The following KAZN variants were observed in gnomAD, a reference collection of about 807,000 sequenced individuals.
KAZN encodes the protein kazrin.
KAZN carries 40 observed loss-of-function variants against 87.4 expected under a neutral mutation model. That is an observed-to-expected ratio of 0.46 (90% CI 0.36 to 0.60). The LOEUF is 0.60. Ranked by LOEUF, KAZN falls within the 20% of genes least tolerant of loss-of-function variation. The pLI is 0.00. For synonymous variants in KAZN, 466 were observed against 458.3 expected, an observed-to-expected ratio of 1.02 and a Z score of -0.22; for missense variants, 898 against 1,073.9, an observed-to-expected ratio of 0.84 and a Z score of 2.29.
rs1327914777 is a variant in KAZN at position 15,021,468 on chromosome 1, A to G, written c.419-13281A>G. ...GACTCCCCTTCAGAGGCTGGAAAAC[A>G]AACACCACCCGCTCCCAGTCCCGGC... is the stretch of plus-strand genomic sequence containing the variant. On this transcript the variant is annotated intron_variant, in intron 2 of 14. Transcript: ENST00000376030. This position sits in a 1 kb window ranked among gnomAD's most constrained non-coding sequence, Gnocchi z 4.2. Among the ~76,000 whole-genome samples, 1 of 152,136 alleles carries G rather than the reference A, an allele frequency of 6.6e-6. No homozygotes were observed. The highest frequency in any genetic ancestry group is 1.5e-5 in the Non-Finnish European group (1 of 67,990).
intron 2 of KAZN, among the ~76,000 whole-genome samples, chr1:14,491,367 T>C (rs1669636745): frequency 6.6e-6 from 1 of 152,200 alleles, no homozygotes; most frequent in South Asian, 2.1e-4. Context: ...GTTTGTTACG[T>C]AGGTATAGAC....
intron 1 of KAZN, among the ~76,000 whole-genome samples, chr1:13,978,122 C>A: frequency 1.2e-5 from 1 of 85,016 alleles, no homozygotes; most frequent in South Asian, 4.8e-4. Context: ...AGCAAGACTC[C>A]ATCTCACAAA....
chr1:15,082,077 T>A (rs1420675359), intron 8 of KAZN, among the ~76,000 whole-genome samples: 1 of 152,076 alleles, frequency 6.6e-6, no homozygotes, highest in Non-Finnish European at 1.5e-5. Context: ...GTGATGGAAT[T>A]CAGCAGGGGA....
chr1:14,301,283 C>T (rs906236411), intron 2 of KAZN, among the ~76,000 whole-genome samples: 1 of 152,198 alleles, frequency 6.6e-6, no homozygotes, highest in African/African-American at 2.4e-5. Flanking sequence ...GAGTCAGACA[C>T]GGTAGAGGAG....
At chr1:14,940,808 C>T (rs962392311) in intron 1 of KAZN, among the ~76,000 whole-genome samples, 4 of 146,816 alleles carry the variant, frequency 2.7e-5, no homozygotes, top group South Asian at 2.2e-4. Flanking sequence ...GAAATGACTG[C>T]GGAGTGCTAT....
intron 1 of KAZN, among the ~76,000 whole-genome samples, chr1:13,975,307 A>C (rs12123608): frequency 0.15 from 22,653 of 152,194 alleles, 1,802 homozygotes; most frequent in South Asian, 0.21. Context: ...TGTTCAGAAC[A>C]CTTGGTTACT....
chr1:14,698,179 C>T (rs1641720178), intron 1 of KAZN, among the ~76,000 whole-genome samples: 1 of 152,150 alleles, frequency 6.6e-6, no homozygotes, highest in African/African-American at 2.4e-5. Context: ...CTTTTTTGGT[C>T]CACATGTTAA....
intron 2 of KAZN, among the ~76,000 whole-genome samples, chr1:14,465,722 A>G (rs1310424220): frequency 1.3e-5 from 2 of 152,168 alleles, no homozygotes; most frequent in Non-Finnish European, 2.9e-5. Flanking sequence ...GTAGAAAAGA[A>G]TTTGTGCCAG....
chr1:15,047,164 G>A (rs1489747324), intron 4 of KAZN, among the ~76,000 whole-genome samples: 2 of 152,210 alleles, frequency 1.3e-5, no homozygotes, highest in African/African-American at 4.8e-5. Flanking sequence ...TCTACCCAGG[G>A]CTTGGAGGCA....
intron 2 of KAZN, among the ~76,000 whole-genome samples, chr1:14,434,283 T>TTC: frequency 1.3e-5 from 2 of 152,314 alleles, no homozygotes; most frequent in African/African-American, 4.8e-5. Flanking sequence ...GCCCCCTCCC[T>TTC]TCTCTCATGC....
chr1:14,053,944 G>A (rs564145580), intron 1 of KAZN, among the ~76,000 whole-genome samples: 6 of 152,258 alleles, frequency 3.9e-5, no homozygotes, highest in Non-Finnish European at 7.4e-5. Flanking sequence ...ACTAAGGGAA[G>A]CATAAGGAAG....
chr1:15,013,578 AC>A lies in KAZN; in HGVS notation c.419-21167del, dbSNP rs569887749. 1.1e-4 allele frequency among the ~76,000 whole-genome samples: 17 copies of A among 151,578 alleles called. No homozygotes were observed. In the East Asian group the frequency reaches 3.3e-3, roughly 29 times the overall value. On this transcript the variant is annotated intron_variant, in intron 2 of 14. Transcript: ENST00000376030. ...TGACCAGCCTGGCCAACAAGGTGAAACCCCGTCTCTATTAAAAAAATATAAA... is the reference window on the plus strand; with the variant it reads ...TGACCAGCCTGGCCAACAAGGTGAAACCCGTCTCTATTAAAAAAATATAAA...
intron 2 of KAZN, among the ~76,000 whole-genome samples, chr1:14,971,568 G>T (rs929463555): frequency 2.0e-5 from 3 of 151,952 alleles, no homozygotes; most frequent in Non-Finnish European, 2.9e-5. Context: ...CAGAAAAGAG[G>T]AAAAGAGTGA....
chr1:14,927,457 T>G (rs961089429), intron 1 of KAZN, among the ~76,000 whole-genome samples: 6 of 151,910 alleles, frequency 3.9e-5, no homozygotes, highest in African/African-American at 1.5e-4. Context: ...TGCAGAAAAA[T>G]AAAGCCGGGG....
At position 14,640,298 on chromosome 1, in the gene KAZN, A is replaced by G. The variant is rs139688050; in HGVS notation, c.226+41075A>G. ...AATATGCTCTGATACTATTGATTCC[A>G]TTGCAGGTGGAATAAGCCTCCATTC... On this transcript the variant is annotated intron_variant, in intron 1 of 14. Transcript: ENST00000376030. Among the ~76,000 whole-genome samples, 438 of 152,272 alleles carry G rather than the reference A, an allele frequency of 2.9e-3. 15 individuals carry two copies. The East Asian group carries it at 0.042, about 15-fold the overall frequency.
chr1:13,988,038 A>G (rs1435993962), intron 1 of KAZN, among the ~76,000 whole-genome samples: 1 of 152,208 alleles, frequency 6.6e-6, no homozygotes, highest in Non-Finnish European at 1.5e-5. Context: ...ACATTGATCC[A>G]TACAGGAAGG....
intron 2 of KAZN, among the ~76,000 whole-genome samples, chr1:14,436,642 C>T (rs1459196987): frequency 2.7e-5 from 4 of 146,192 alleles, no homozygotes; most frequent in Non-Finnish European, 5.9e-5. Context: ...CACTTGAACC[C>T]AGGAGGCAGA....
intron 1 of KAZN, among the ~76,000 whole-genome samples, chr1:14,603,333 G>T (rs1475979933): frequency 6.6e-6 from 1 of 152,172 alleles, no homozygotes; most frequent in Non-Finnish European, 1.5e-5. Context: ...AGCTCAGCAA[G>T]TAGCCTGCGC....
At chr1:14,795,798 G>A (rs1240346482) in intron 1 of KAZN, among the ~76,000 whole-genome samples, 1 of 152,094 alleles carries the variant, frequency 6.6e-6, no homozygotes, top group East Asian at 1.9e-4. Context: ...GCCTCCCTCA[G>A]GGCCTTTGCA....
Sources: allele counts gnomAD v4.1 joint callset (sites outside exome capture counted in the v4.1 genomes callset), GRCh38; gene constraint gnomAD v4.1.1; non-coding constraint Gnocchi (gnomAD v3.1); transcripts MANE v1.5; gene names NCBI Gene and HGNC (gene_info 2026-07-23, HGNC 2026-07-21).